The following AEBP2 variants were observed in gnomAD, a reference collection of about 807,000 sequenced individuals.
The protein encoded by AEBP2 is zinc finger protein AEBP2.
In AEBP2, 10 loss-of-function variants were observed where a neutral mutation model predicts 50.8. The observed-to-expected ratio is 0.20, with a 90% CI of 0.12 to 0.33. AEBP2 has a LOEUF of 0.33. AEBP2 is among the 10% of genes least tolerant of loss of function. The pLI is 1.00. For synonymous variants in AEBP2, 296 were observed against 261.3 expected (o/e 1.13, Z -1.28); for missense variants, 570 against 688.0 (o/e 0.83, Z 1.92).
At chr12:19,438,943 A>G (rs541870032), upstream of AEBP2, among the ~76,000 whole-genome samples, 2 of 152,216 alleles carry the variant, frequency 1.3e-5, no homozygotes, top group Non-Finnish European at 2.9e-5. Context: ...TCTAAACTGT[A>G]TAAGAACATA....
intron 1 of AEBP2, among the ~76,000 whole-genome samples, chr12:19,416,326 C>G (rs964997838): frequency 1.3e-5 from 2 of 152,144 alleles, no homozygotes; most frequent in African/African-American, 4.8e-5. Flanking sequence ...TTCAATATTG[C>G]TCATTACTTC....
chr12:19,467,199 C>T (rs1294098361), intron 2 of AEBP2, among the ~76,000 whole-genome samples: 2 of 146,942 alleles, frequency 1.4e-5, no homozygotes, highest in African/African-American at 4.8e-5. Flanking sequence ...AGCCACCATG[C>T]CCAGACCAAT....
chr12:19,453,423 ACTTT>A (rs1948202374), intron 1 of AEBP2, among the ~76,000 whole-genome samples: 1 of 135,550 alleles, frequency 7.4e-6, no homozygotes. Flanking sequence ...TGACCTATAT[ACTTT>A]CTTTTTTTTT....
intron 1 of AEBP2, among the ~76,000 whole-genome samples, chr12:19,458,743 C>A (rs1393868046): frequency 6.6e-6 from 1 of 152,048 alleles, no homozygotes; most frequent in Non-Finnish European, 1.5e-5. Context: ...TAAAAAAAAT[C>A]GATTTGGTTT....
chr12:19,434,010 C>T (rs189851564), intron 1 of AEBP2, among the ~76,000 whole-genome samples: 265 of 151,806 alleles, frequency 1.7e-3, no homozygotes, highest in Middle Eastern at 3.4e-3. Flanking sequence ...CCATGCCCGA[C>T]TAATTTTTTT....
chr12:19,435,642 T>C (rs1432433473), upstream of AEBP2, among the ~76,000 whole-genome samples: 2 of 152,214 alleles, frequency 1.3e-5, no homozygotes, highest in African/African-American at 4.8e-5. Flanking sequence ...CATGAATAAA[T>C]GTTGATGCTT....
At chr12:19,407,614 T>C (rs1483328359) in intron 1 of AEBP2, among the ~76,000 whole-genome samples, 1 of 152,152 alleles carries the variant, frequency 6.6e-6, no homozygotes, top group Non-Finnish European at 1.5e-5. Context: ...CATCTCTTTT[T>C]TCTTTTTAGA....
chr12:19,508,223 A>G (rs146260985), intron 5 of AEBP2, among the ~76,000 whole-genome samples: 1,655 of 152,318 alleles, frequency 0.011, 17 homozygotes, highest in African/African-American at 0.038. Flanking sequence ...TAAAAAAACC[A>G]TATTTTAAAA....
At chr12:19,472,596 C>T (rs545190607) in intron 2 of AEBP2, among the ~76,000 whole-genome samples, 1 of 152,156 alleles carries the variant, frequency 6.6e-6, no homozygotes, top group South Asian at 2.1e-4. Flanking sequence ...CTATTTGTTT[C>T]ATTACAAAAT....
intron 1 of AEBP2, among the ~76,000 whole-genome samples, chr12:19,428,532 C>T (rs1009298498): frequency 2.0e-5 from 3 of 152,196 alleles, no homozygotes; most frequent in African/African-American, 7.2e-5. Context: ...AAACAAAAGG[C>T]TGGGTGCGGT....
intron 7 of AEBP2, among the ~76,000 whole-genome samples, chr12:19,517,426 TAAC>T (rs1949336347): frequency 6.6e-6 from 1 of 152,210 alleles, no homozygotes; most frequent in Admixed American, 6.5e-5. Context: ...GGGAAAAAGA[TAAC>T]AATACAACAA....
chr12:19,510,814 G>A (rs1949221642), intron 5 of AEBP2, among the ~76,000 whole-genome samples: 1 of 138,924 alleles, frequency 7.2e-6, no homozygotes, highest in African/African-American at 2.7e-5. Flanking sequence ...TACAGTTTTT[G>A]TTCTCAATTT....
chr12:19,440,121 GC>G lies in AEBP2; in HGVS notation c.426del (p.Gly143AlafsTer38). ...GSSSDETRSL[S>X]PGAASSSSGD... is the part of the protein sequence containing the mutation. Reference sequence around the variant, plus strand: ...AGCAGCGACGAGACCCGCTCGTTGAGCCCCGGCGCCGCCAGCAGCAGCAGCG... The same window carrying G: ...AGCAGCGACGAGACCCGCTCGTTGAGCCCGGCGCCGCCAGCAGCAGCAGCG... On this transcript the variant is annotated frameshift_variant, in exon 1 of 8. Transcript: ENST00000266508. LOFTEE classifies it high-confidence loss of function. The G allele has an allele frequency of 6.6e-7, 1 of 1,505,344 alleles. No homozygotes were observed. Among genetic ancestry groups the G allele is most frequent in the Non-Finnish European group, 8.8e-7 (1 of 1,133,408 alleles). The allele number at this position is 1,505,344 out of a possible 1,614,324, so 93.2% of individuals were successfully genotyped here. A position where few individuals can be genotyped will look rare whatever the true frequency, so the allele number is the denominator to read the frequency against.
At chr12:19,432,244 G>A (rs1406635210) in intron 1 of AEBP2, among the ~76,000 whole-genome samples, 1 of 152,176 alleles carries the variant, frequency 6.6e-6, no homozygotes, top group Non-Finnish European at 1.5e-5. Flanking sequence ...AGCATGTCTG[G>A]ATCCCTAAGA....
chr12:19,512,375 A>AT, intron 5 of AEBP2, 23 bp from the exon 6 acceptor site: 3 of 1,468,762 alleles, frequency 2.0e-6, no homozygotes, highest in South Asian at 1.3e-5. Flanking sequence ...TGTTTTTATG[A>AT]TTTCTTTTCA....
chr12:19,421,796 G>C (rs2095745958), intron 1 of AEBP2, among the ~76,000 whole-genome samples: 1 of 152,188 alleles, frequency 6.6e-6, no homozygotes, highest in African/African-American at 2.4e-5. Flanking sequence ...TGAGGAGGGT[G>C]TTCCAGGAAC....
chr12:19,428,056 G>A (rs1290064420), intron 1 of AEBP2, among the ~76,000 whole-genome samples: 2 of 151,786 alleles, frequency 1.3e-5, no homozygotes, highest in African/African-American at 4.8e-5. Flanking sequence ...GGGCAACATG[G>A]CAAAACTCTG....
At chr12:19,507,876 TTTG>T (rs1406510660) in intron 5 of AEBP2, among the ~76,000 whole-genome samples, 4 of 152,362 alleles carry the variant, frequency 2.6e-5, no homozygotes, top group African/African-American at 9.6e-5. Context: ...TTTAAGTTAC[TTTG>T]TTATCAAATT....
chr12:19,456,409 G>A, intron 1 of AEBP2: 1 of 1,383,064 alleles, frequency 7.2e-7, no homozygotes, highest in Non-Finnish European at 1.0e-6. Flanking sequence ...ACACACACGG[G>A]CTTGCCAGGA....
Sources: gnomAD v4.1 joint callset for allele counts (sites outside exome capture counted in the v4.1 genomes callset) on GRCh38, gnomAD v4.1.1 for gene constraint, MANE v1.5 for transcripts, NCBI Gene and HGNC (gene_info 2026-07-23, HGNC 2026-07-21) for gene names.